The following PCDHGB6 variants were observed in gnomAD, a reference collection of about 807,000 sequenced individuals.
PCDHGB6 encodes the protein protocadherin gamma subfamily B, 6.
Under a neutral mutation model 59.1 loss-of-function variants are expected in PCDHGB6, and 51 were observed. The ratio of observed to expected loss-of-function variants is 0.86; its 90% CI spans 0.69 to 1.09. PCDHGB6 has a LOEUF of 1.09. Ranked by LOEUF, PCDHGB6 falls within the 50% of genes least tolerant of loss-of-function variation. PCDHGB6 has a pLI of 0.00. For synonymous variants in PCDHGB6, 466 were observed against 495.1 expected (o/e 0.94, Z 0.78); for missense variants, 1,148 against 1,205.1 (o/e 0.95, Z 0.70).
At position 141,490,289 on chromosome 5, in the gene PCDHGB6, T is replaced by C; in HGVS notation, c.2419-4518T>C. ...GATGTCAATGACAATGCCCCAGAGG[T>C]GCTATTGGCCTCTTTGGCCAACCCT... On this transcript the variant is annotated intron_variant, in intron 1 of 3. Transcript: ENST00000520790. This position sits in a 1 kb window ranked among gnomAD's most constrained non-coding sequence, Gnocchi z 5.4. The C allele has an allele frequency of 1.2e-6, 2 of 1,614,096 alleles. No homozygotes were observed. The highest frequency in any genetic ancestry group is 1.7e-6 in the Non-Finnish European group (2 of 1,180,016).
intron 1 of PCDHGB6, chr5:141,427,774 G>C: frequency 7.0e-7 from 1 of 1,420,908 alleles, no homozygotes; most frequent in Non-Finnish European, 9.8e-7. Context: ...TTGGAGCTGC[G>C]GGCACTGTCG....
At position 141,463,977 on chromosome 5, in the gene PCDHGB6, T is replaced by C. The variant is rs948698340; in HGVS notation, c.2419-30830T>C. On this transcript the variant is annotated intron_variant, in intron 1 of 3. Coordinates refer to ENST00000520790, the MANE Select transcript of PCDHGB6 (RefSeq NM_018926.3). ...TTTAAAATAGCTTCATAAAACTCCA[T>C]TGTAAAAACCAGGTGCAGTGGCTCA... Among the ~76,000 whole-genome samples the C allele has an allele frequency of 2.6e-5, 4 of 152,258 alleles. 1 individual carries two copies. The highest frequency in any genetic ancestry group is 4.4e-5 in the Non-Finnish European group (3 of 68,004).
At chr5:141,475,146 G>A (rs938308425) in intron 1 of PCDHGB6, among the ~76,000 whole-genome samples, 3 of 152,014 alleles carry the variant, frequency 2.0e-5, no homozygotes, top group African/African-American at 4.8e-5. Context: ...AATCTTCTCC[G>A]TCTTCTTCTT....
chr5:141,421,050 T>TACCACACAA, intron 1 of PCDHGB6: 1 of 561,278 alleles, frequency 1.8e-6, no homozygotes, highest in Non-Finnish European at 3.1e-6. Flanking sequence ...CCCCCGCCTC[T>TACCACACAA]ACCACACAAA....
chr5:141,418,677 T>A (rs1717013168), intron 1 of PCDHGB6: 1 of 1,613,930 alleles, frequency 6.2e-7, no homozygotes, highest in African/African-American at 1.3e-5. Flanking sequence ...GACGAGGGCA[T>A]CAACTCAGAG....
At chr5:141,418,726 G>C (rs1399333996) in intron 1 of PCDHGB6, 1 of 1,613,986 alleles carries the variant, frequency 6.2e-7, no homozygotes, top group Non-Finnish European at 8.5e-7. Flanking sequence ...ACAAAGCTCA[G>C]CACGTGTTCT....
chr5:141,477,629 C>T lies in PCDHGB6; in HGVS notation c.2419-17178C>T, dbSNP rs1191573380. 6.2e-7 allele frequency: 1 copy of T among 1,614,158 alleles called. No homozygotes were observed. Reference sequence around the variant, plus strand: ...CTTGGAGCAAGGAGCTGAAACCGGGCTAGTGGGTCGCTATTTCACAATAAA... The same window carrying T: ...CTTGGAGCAAGGAGCTGAAACCGGGTTAGTGGGTCGCTATTTCACAATAAA... On this transcript the variant is annotated intron_variant, in intron 1 of 3. Coordinates refer to ENST00000520790, the MANE Select transcript of PCDHGB6 (RefSeq NM_018926.3). The surrounding 1 kb of genome is among the most constrained non-coding windows in gnomAD (Gnocchi z 4.9).
intron 2 of PCDHGB6, among the ~76,000 whole-genome samples, chr5:141,497,865 A>G (rs1248242691): frequency 2.0e-5 from 3 of 152,168 alleles, no homozygotes; most frequent in Admixed American, 2.0e-4. Flanking sequence ...CAGCGGCTCC[A>G]AAGTGAAATA....
chr5:141,494,843 G>T lies in PCDHGB6; in HGVS notation c.2455G>T (p.Ala819Ser). The T allele has an allele frequency of 6.2e-7, 1 of 1,614,088 alleles. No individual in the cohort carries two copies. The highest frequency in any genetic ancestry group is 8.5e-7 in the Non-Finnish European group (1 of 1,180,006). ...PPNTDWRFSQ[A>S]QRPGTSGSQN... Reference sequence around the variant, plus strand: ...CAACACGGACTGGCGTTTCTCTCAGGCCCAGAGACCCGGCACCAGCGGGTA... The same window carrying T: ...CAACACGGACTGGCGTTTCTCTCAGTCCCAGAGACCCGGCACCAGCGGGTA... Residue 819 changes from alanine (A) to serine (S), a missense_variant, in exon 2 of 4, where the codon GCC becomes TCC. This residue lies in a region of PCDHGB6 where 283 missense variants were observed against 318.6 expected (regional missense o/e 0.89). Transcript: ENST00000520790.
chr5:141,476,230 G>A lies in PCDHGB6; in HGVS notation c.2419-18577G>A, dbSNP rs906283645. On this transcript the variant is annotated intron_variant, in intron 1 of 3. Coordinates refer to ENST00000520790, the MANE Select transcript of PCDHGB6 (RefSeq NM_018926.3). This position sits in a 1 kb window ranked among gnomAD's most constrained non-coding sequence, Gnocchi z 7.6. Reference sequence around the variant, plus strand: ...CCACGGTCATTCACTATGAGATCCCGGAGGAAAGAGAGAAGGGTTTCGCTG... The same window carrying A: ...CCACGGTCATTCACTATGAGATCCCAGAGGAAAGAGAGAAGGGTTTCGCTG... The A allele has an allele frequency of 1.2e-6, 2 of 1,614,040 alleles. No homozygotes were observed. Among genetic ancestry groups the A allele is most frequent in the Non-Finnish European group, 1.7e-6 (2 of 1,180,024 alleles).
intron 1 of PCDHGB6, among the ~76,000 whole-genome samples, chr5:141,425,105 G>C (rs1227234896): frequency 2.0e-5 from 3 of 152,236 alleles, no homozygotes; most frequent in African/African-American, 7.2e-5. Flanking sequence ...TCCAACAGAT[G>C]CCTACATTTT....
chr5:141,468,222 G>A lies in PCDHGB6; in HGVS notation c.2419-26585G>A, dbSNP rs560663102. 2.6e-3 allele frequency among the ~76,000 whole-genome samples: 401 copies of A among 151,572 alleles called. 2 individuals are homozygous for A. Among genetic ancestry groups the A allele is most frequent in the South Asian group, 0.02 (97 of 4,782 alleles). ...TGCCTGTAATTCCAGCTACTTGGGA[G>A]GATGAGGTAGGAGAATTGCCTGAAC... On this transcript the variant is annotated intron_variant, in intron 1 of 3. Coordinates refer to ENST00000520790, the MANE Select transcript of PCDHGB6 (RefSeq NM_018926.3).
chr5:141,503,781 G>A (rs1393561411), intron 2 of PCDHGB6, among the ~76,000 whole-genome samples: 1 of 152,110 alleles, frequency 6.6e-6, no homozygotes, highest in East Asian at 1.9e-4. Flanking sequence ...TTCTTAGGCT[G>A]AGTTCATCTA....
intron 1 of PCDHGB6, among the ~76,000 whole-genome samples, chr5:141,450,470 AGTTT>A (rs199699353): frequency 4.6e-5 from 7 of 151,680 alleles, no homozygotes; most frequent in Non-Finnish European, 8.8e-5. Flanking sequence ...TTATATATAG[AGTTT>A]GTTTGTTTGT....
At position 141,476,318 on chromosome 5, in the gene PCDHGB6, G is replaced by A. The variant is rs767809530; in HGVS notation, c.2419-18489G>A. ...TAGCCTCTCAGCCCGCAGGTTCCGG[G>A]TGGTGTCTGGAGCTAGCCGAAGATT... is the stretch of plus-strand genomic sequence containing the variant. On this transcript the variant is annotated intron_variant, in intron 1 of 3. Coordinates refer to ENST00000520790, the MANE Select transcript of PCDHGB6 (RefSeq NM_018926.3). This position sits in a 1 kb window ranked among gnomAD's most constrained non-coding sequence, Gnocchi z 7.6. The A allele has an allele frequency of 6.2e-6, 10 of 1,614,084 alleles. No homozygotes were observed. Among genetic ancestry groups the A allele is most frequent in the Non-Finnish European group, 7.6e-6 (9 of 1,180,060 alleles).
intron 1 of PCDHGB6, chr5:141,416,678 G>T (rs2096051953): frequency 6.6e-6 from 1 of 151,990 alleles, no homozygotes; most frequent in Non-Finnish European, 1.5e-5. Flanking sequence ...TGCAACGAAG[G>T]GAAATTATAT....
At chr5:141,420,634 G>A (rs891111955) in intron 1 of PCDHGB6, among the ~76,000 whole-genome samples, 2 of 152,080 alleles carry the variant, frequency 1.3e-5, no homozygotes, top group African/African-American at 4.8e-5. Context: ...CTCAATAAAG[G>A]AACCTTGTAA....
intron 2 of PCDHGB6, among the ~76,000 whole-genome samples, chr5:141,503,681 A>C (rs1313633991): frequency 6.6e-6 from 1 of 152,102 alleles, no homozygotes; most frequent in Non-Finnish European, 1.5e-5. Context: ...ACTTTTGGGA[A>C]GGAGAATTGA....
chr5:141,500,258 G>A lies in PCDHGB6; in HGVS notation c.2478-5135G>A, dbSNP rs2099798463. On this transcript the variant is annotated intron_variant, in intron 2 of 3. Coordinates refer to ENST00000520790, the MANE Select transcript of PCDHGB6 (RefSeq NM_018926.3). ...TAGCCTTGCTCTGTCACCCAGGCTG[G>A]ACTGCAGTGGCGCAATCTCGGCTCA... Among the ~76,000 whole-genome samples the A allele has an allele frequency of 2.0e-5, 3 of 150,738 alleles. No homozygotes were observed. In the South Asian group the frequency reaches 6.3e-4, roughly 32 times the overall value.
Sources: allele counts gnomAD v4.1 joint callset (sites outside exome capture counted in the v4.1 genomes callset), GRCh38; gene constraint gnomAD v4.1.1; regional missense constraint gnomAD v4.1.1; non-coding constraint Gnocchi (gnomAD v3.1); transcripts MANE v1.5; gene names NCBI Gene and HGNC (gene_info 2026-07-23, HGNC 2026-07-21).